GPCPD1: variants seen among roughly 807,000 people sequenced by gnomAD.
GPCPD1 encodes the protein glycerophosphocholine phosphodiesterase 1, also known as glycerophosphocholine phosphodiesterase GPCPD1.
In GPCPD1, 29 loss-of-function variants were observed where a neutral mutation model predicts 89.2. The observed-to-expected ratio is 0.33, with a 90% CI of 0.24 to 0.44. The LOEUF (loss-of-function observed/expected upper bound fraction) is 0.44, where lower values mean the gene tolerates loss of function less well. Ranked by LOEUF, GPCPD1 falls within the 20% of genes least tolerant of loss-of-function variation. The probability of loss-of-function intolerance (pLI) is 1.00; values close to 1 mark genes in which losing one functional copy is unlikely to be tolerated. For missense variants in GPCPD1, 594 were observed against 808.9 expected (o/e 0.73, Z 3.22); for synonymous variants, 258 against 266.3 (o/e 0.97, Z 0.30).
chr20:5,582,042 C>T (rs1227504156), intron 6 of GPCPD1, among the ~76,000 whole-genome samples: 15 of 147,490 alleles, frequency 1.0e-4, no homozygotes, highest in Admixed American at 5.4e-4. Context: ...AAAAATTAGC[C>T]GGGCGTGGTA....
intron 6 of GPCPD1, among the ~76,000 whole-genome samples, chr20:5,584,058 C>T (rs1427214323): frequency 6.6e-6 from 1 of 152,204 alleles, no homozygotes; most frequent in African/African-American, 2.4e-5. Flanking sequence ...GAGAAATGCA[C>T]ATTAGACGAT....
At chr20:5,587,802 A>G (rs1049481935) in intron 4 of GPCPD1, among the ~76,000 whole-genome samples, 3 of 152,250 alleles carry the variant, frequency 2.0e-5, no homozygotes, top group African/African-American at 7.2e-5. Flanking sequence ...GCCAAACAAT[A>G]ACAAATATGT....
At chr20:5,554,055 G>C (rs755910240) in intron 19 of GPCPD1, among the ~76,000 whole-genome samples, 1 of 135,584 alleles carries the variant, frequency 7.4e-6, no homozygotes, top group Non-Finnish European at 1.6e-5. Context: ...TGCAAGCTCC[G>C]ACTCCTCGGT....
intron 16 of GPCPD1, 88 bp from the exon 17 acceptor site, chr20:5,560,164 A>G: frequency 1.2e-6 from 1 of 856,368 alleles, no homozygotes; most frequent in Middle Eastern, 2.4e-4. Context: ...AGCTATGATG[A>G]AAAAACCCCT....
rs76494395 is a variant in GPCPD1, at chr20:5,566,341, A to G, written c.1267+392T>C. 3.8e-3 allele frequency among the ~76,000 whole-genome samples: 582 copies of G among 152,362 alleles called. 7 individuals carry two copies. The highest frequency in any genetic ancestry group is 0.013 in the African/African-American group (555 of 41,588). ...AATTTCTATGGGAGTAGAAAAGTGA[A>G]GTGAAATTATAAAGGGATGTGGTAG... On this transcript the variant is annotated intron_variant, in intron 14 of 19. Transcript: ENST00000379019.
chr20:5,570,509 G>A (rs1986659357), intron 11 of GPCPD1, among the ~76,000 whole-genome samples: 1 of 151,524 alleles, frequency 6.6e-6, no homozygotes, highest in Non-Finnish European at 1.5e-5. Context: ...CAGCCTTCGG[G>A]GCTGTTACTT....
chr20:5,564,431 C>T (rs1294490213), intron 15 of GPCPD1, among the ~76,000 whole-genome samples: 3 of 151,744 alleles, frequency 2.0e-5, no homozygotes, highest in Non-Finnish European at 4.4e-5. Flanking sequence ...TATGGATTTG[C>T]TACTCTTACC....
At chr20:5,586,357 T>G in intron 4 of GPCPD1, 88 bp from the exon 5 acceptor site, 1 of 707,888 alleles carries the variant, frequency 1.4e-6, no homozygotes, top group Non-Finnish European at 2.6e-6. Flanking sequence ...GCCTAAATCT[T>G]ATACTAAATA....
intron 19 of GPCPD1, among the ~76,000 whole-genome samples, chr20:5,556,172 A>AGTAT (rs1440039001): frequency 6.6e-6 from 1 of 152,184 alleles, no homozygotes; most frequent in Non-Finnish European, 1.5e-5. Context: ...TCTCAGACAC[A>AGTAT]ACGCTACTGT....
rs1568684629 is a variant in GPCPD1, at chr20:5,607,515, T to C, written c.-28-3075A>G. On this transcript the variant is annotated intron_variant, in intron 1 of 19. Coordinates refer to ENST00000379019, the MANE Select transcript of GPCPD1 (RefSeq NM_019593.5). ...ATCACTTGAACCCAGGAGGTGGAGGTTGTGGTAAGCCGAGATCATGCCACT... is the reference window on the plus strand; with the variant it reads ...ATCACTTGAACCCAGGAGGTGGAGGCTGTGGTAAGCCGAGATCATGCCACT... 5.9e-5 allele frequency among the ~76,000 whole-genome samples: 9 copies of C among 151,526 alleles called. No individual in the cohort carries two copies. In the South Asian group the frequency reaches 1.9e-3, roughly 32 times the overall value.
chr20:5,603,493 G>A (rs1022961937), intron 2 of GPCPD1, among the ~76,000 whole-genome samples: 4 of 151,994 alleles, frequency 2.6e-5, no homozygotes, highest in African/African-American at 7.3e-5. Flanking sequence ...ATTTGAGAAC[G>A]TCCTAAAAGA....
At chr20:5,556,257 G>T (rs544831187) in intron 19 of GPCPD1, among the ~76,000 whole-genome samples, 6 of 152,178 alleles carry the variant, frequency 3.9e-5, no homozygotes, top group Admixed American at 3.3e-4. Flanking sequence ...ACCCAGACTG[G>T]AGTGCAGTGG....
intron 13 of GPCPD1, 123 bp downstream of exon 13, chr20:5,567,360 C>A: frequency 8.5e-7 from 1 of 1,182,464 alleles, no homozygotes; most frequent in Non-Finnish European, 1.2e-6. Context: ...AATACCAAAG[C>A]ACATAGTCTA....
chr20:5,591,775 CTG>C (rs1033056619), intron 4 of GPCPD1, among the ~76,000 whole-genome samples: 1 of 152,140 alleles, frequency 6.6e-6, no homozygotes, highest in African/African-American at 2.4e-5. Context: ...GAGAAAAAAA[CTG>C]TAGCCATATG....
chr20:5,573,768 G>T, intron 11 of GPCPD1, 147 bp downstream of exon 11: 1 of 723,338 alleles, frequency 1.4e-6, no homozygotes, highest in South Asian at 1.5e-5. Flanking sequence ...GATGCTTATG[G>T]TTCTATTGTC....
At chr20:5,588,104 T>C (rs917806815) in intron 4 of GPCPD1, among the ~76,000 whole-genome samples, 27 of 152,246 alleles carry the variant, frequency 1.8e-4, no homozygotes, top group Admixed American at 3.3e-4. Flanking sequence ...GTATCCATTA[T>C]ACTAAAAAGA....
intron 2 of GPCPD1, among the ~76,000 whole-genome samples, chr20:5,599,753 A>G (rs1979994003): frequency 6.6e-6 from 1 of 152,058 alleles, no homozygotes; most frequent in South Asian, 2.1e-4. Flanking sequence ...TGGGGTAACC[A>G]TATTGGCTAG....
At chr20:5,563,231 G>C (rs754861319) in intron 15 of GPCPD1, among the ~76,000 whole-genome samples, 55 of 152,108 alleles carry the variant, frequency 3.6e-4, no homozygotes, top group Non-Finnish European at 6.3e-4. Flanking sequence ...CACCTGCCTC[G>C]GCCTCCCAAA....
chr20:5,598,881 CA>C (rs572894316), intron 2 of GPCPD1, 60 bp from the exon 3 acceptor site: 14 of 1,081,632 alleles, frequency 1.3e-5, no homozygotes, highest in Non-Finnish European at 2.0e-5. Context: ...GTGGGATAAG[CA>C]GGGAAGTTTG....
Sources: gnomAD v4.1 joint callset for allele counts (sites outside exome capture counted in the v4.1 genomes callset) on GRCh38, gnomAD v4.1.1 for gene constraint, MANE v1.5 for transcripts, NCBI Gene and HGNC (gene_info 2026-07-23, HGNC 2026-07-21) for gene names.